RFXANK: variants seen among roughly 807,000 people sequenced by gnomAD.
The protein encoded by RFXANK is regulatory factor X associated ankyrin containing protein.
RFXANK carries 19 observed loss-of-function variants against 34.5 expected under a neutral mutation model. The observed-to-expected ratio is 0.55, with a 90% CI of 0.38 to 0.81. The LOEUF is 0.81. Among genes scored for constraint, RFXANK ranks in the 30% least tolerant of loss-of-function variants. The probability of loss-of-function intolerance (pLI) is 0.00; values close to 1 mark genes in which losing one functional copy is unlikely to be tolerated. For synonymous variants in RFXANK, 154 were observed against 149.8 expected, an observed-to-expected ratio of 1.03 and a Z score of -0.20; for missense variants, 295 against 343.5, an observed-to-expected ratio of 0.86 and a Z score of 1.12.
intron 3 of RFXANK, 100 bp from the exon 4 acceptor site, chr19:19,196,863 T>C: frequency 8.8e-7 from 1 of 1,134,086 alleles, no homozygotes; most frequent in Non-Finnish European, 1.3e-6. Context: ...AGACTCCATC[T>C]CAAACAACAA....
rs1488966736 is a variant in RFXANK at position 19,193,957 on chromosome 19, C to T, written c.11C>T (p.Thr4Ile). 1.2e-6 allele frequency: 2 copies of T among 1,614,250 alleles called. No individual in the cohort carries two copies. The highest frequency in any genetic ancestry group is 1.3e-5 in the African/African-American group (1 of 75,066). The part of the protein sequence containing the change: MEL[T>I]QPAEDLIQTQ... ...CCGCCAGCTTTCCCCATGGAGCTTA[C>T]CCAGCCTGCAGAAGACCTCATCCAG... Residue 4 changes from threonine (T) to isoleucine (I), a missense_variant, in exon 3 of 10, where the codon ACC becomes ATC. Coordinates refer to ENST00000303088, the MANE Select transcript of RFXANK (RefSeq NM_003721.4).
intron 9 of RFXANK, chr19:19,200,788 ATTTTTTTTTTT>A (rs71170606): frequency 4.7e-5 from 4 of 84,624 alleles, no homozygotes; most frequent in Non-Finnish European, 8.3e-5. Flanking sequence ...CACCTGGCTA[ATTTTTTTTTTT>A]TTTTTTTTTT....
In RFXANK at chr19:19,197,984, C is replaced by G. The variant is rs1030182427; in HGVS notation, c.439-123C>G. 5 of 1,369,852 alleles carry G rather than the reference C, an allele frequency of 3.7e-6. No individual in the cohort carries two copies. The African/African-American group carries it at 7.2e-5, about 20-fold the overall frequency. 84.9% of individuals were successfully genotyped at this position (1,369,852 alleles called of 1,614,324 possible). A position where few individuals can be genotyped will look rare whatever the true frequency, so the allele number is the denominator to read the frequency against. ...CCGAGATTGCGCCACTGCACTCCAG[C>G]CTGGGCAACAGAGCAAGACTCTATC... is the stretch of plus-strand genomic sequence containing the variant. On this transcript the variant is annotated intron_variant, in intron 6 of 9. Coordinates refer to ENST00000303088, the MANE Select transcript of RFXANK (RefSeq NM_003721.4).
intron 7 of RFXANK, 126 bp from the exon 8 acceptor site, chr19:19,198,531 A>AG: frequency 8.4e-7 from 1 of 1,188,406 alleles, no homozygotes; most frequent in Non-Finnish European, 1.2e-6. Flanking sequence ...TTGAGACCCC[A>AG]GAAAGTGAGA....
In RFXANK at chr19:19,192,284, G is replaced by A; in HGVS notation, c.-420G>A. 1.1e-6 allele frequency: 1 copy of A among 887,984 alleles called. No homozygotes were observed. The highest frequency in any genetic ancestry group is 1.7e-6 in the Non-Finnish European group (1 of 588,170). 55.0% of individuals were successfully genotyped at this position (887,984 alleles called of 1,614,324 possible). Reference sequence around the variant, plus strand: ...TTTGCGGACAAGAAAGGGGCTGTGTGAGACGCAGGGAAGGAGGCACACCCG... The same window carrying A: ...TTTGCGGACAAGAAAGGGGCTGTGTAAGACGCAGGGAAGGAGGCACACCCG... On this transcript the variant is annotated 5_prime_UTR_variant, in exon 1 of 10. Transcript: ENST00000303088.
At chr19:19,200,555 T>C (rs1028723049) in intron 9 of RFXANK, among the ~76,000 whole-genome samples, 1 of 151,864 alleles carries the variant, frequency 6.6e-6, no homozygotes, top group Non-Finnish European at 1.5e-5. Context: ...CAAGTGATCC[T>C]TCTTCCCCAG....
intron 5 of RFXANK, 35 bp downstream of exon 5, chr19:19,197,286 A>C (rs900811976): frequency 6.2e-7 from 1 of 1,608,538 alleles, no homozygotes; most frequent in Non-Finnish European, 8.5e-7. Flanking sequence ...GCATGTCTGC[A>C]CCTGGCTGGT....
chr19:19,199,253 G>C lies in RFXANK; in HGVS notation c.712+19G>C, dbSNP rs556011686. On this transcript the variant is annotated intron_variant, in intron 9 of 9. Coordinates refer to ENST00000303088, the MANE Select transcript of RFXANK (RefSeq NM_003721.4). ...CGGAAAGGTCAGCCTGAGACACACA[G>C]AGCAGGGGTGGGGTCCCTTCCATAG... The C allele has an allele frequency of 6.8e-6, 11 of 1,612,908 alleles. No homozygotes were observed. The highest frequency in any genetic ancestry group is 1.7e-5 in the Admixed American group (1 of 60,020).
In RFXANK at chr19:19,192,270, GA is replaced by G; in HGVS notation, c.-431del. On this transcript the variant is annotated 5_prime_UTR_variant, in exon 1 of 10. Coordinates refer to ENST00000303088, the MANE Select transcript of RFXANK (RefSeq NM_003721.4). The stretch of plus-strand genomic sequence containing the variant: ...CCCGCTCCTCAGTCTTTGCGGACAA[GA>G]AAGGGGCTGTGTGAGACGCAGGGAA... 1 of 1,020,162 alleles carries G rather than the reference GA, an allele frequency of 9.8e-7. No homozygotes were observed. The highest frequency in any genetic ancestry group is 1.5e-5 in the South Asian group (1 of 66,908). 63.2% of individuals were successfully genotyped at this position (1,020,162 alleles called of 1,614,324 possible).
intron 3 of RFXANK, 26 bp downstream of exon 3, chr19:19,194,159 C>T (rs374457072): frequency 1.2e-6 from 2 of 1,607,980 alleles, no homozygotes; most frequent in South Asian, 1.1e-5. Flanking sequence ...TGGGATTAGC[C>T]CTCTGGGATT....
chr19:19,196,280 A>G (rs2060597676), intron 3 of RFXANK, among the ~76,000 whole-genome samples: 1 of 150,936 alleles, frequency 6.6e-6, no homozygotes, highest in Non-Finnish European at 1.5e-5. Flanking sequence ...TACCGAAGGC[A>G]GTAGCATGGT....
rs1254153070 is a variant in RFXANK, at chr19:19,197,179, G to A, written c.272-7G>A. On this transcript the variant is annotated splice_polypyrimidine_tract_variant and splice_region_variant and intron_variant, in intron 4 of 9. Transcript: ENST00000303088. ...TGAGTGAGGACTCTGCCTCTGTCCT[G>A]CCCCAGCCCTGTCCATCCACCAGCT... is the stretch of plus-strand genomic sequence containing the variant. 6.2e-7 allele frequency: 1 copy of A among 1,613,938 alleles called. No homozygotes were observed. The highest frequency in any genetic ancestry group is 1.7e-4 in the Middle Eastern group (1 of 5,978).
rs73922826 is a variant in RFXANK, at chr19:19,198,571, G to A, written c.565-86G>A. The A allele has an allele frequency of 6.1e-3, 9,104 of 1,499,742 alleles. 465 individuals carry two copies. In the African/African-American group the frequency reaches 0.11, roughly 18 times the overall value. 92.9% of individuals were successfully genotyped at this position (1,499,742 alleles called of 1,614,324 possible). On this transcript the variant is annotated intron_variant, in intron 7 of 9. Transcript: ENST00000303088. ...CCCAGTGATGAGCAGGAGGAACCAC[G>A]TTCAACTGGAGGCCAGAGAGTACAA...
chr19:19,199,383 G>A, intron 9 of RFXANK, 149 bp downstream of exon 9: 1 of 806,144 alleles, frequency 1.2e-6, no homozygotes, highest in South Asian at 1.4e-5. Context: ...TCCCGCCTGG[G>A]AACATCCCAG....
chr19:19,201,823 A>AGG lies in RFXANK; in HGVS notation c.*107_*108dup, dbSNP rs1401685073. On this transcript the variant is annotated 3_prime_UTR_variant, in exon 10 of 10. Transcript: ENST00000303088. ...AGGCAGCTTCTGGACAGGTGGTGGG[A>AGG]GGGGACCCTTCCCAAGAGGAACCAA... 8.0e-5 allele frequency: 129 copies of AGG among 1,611,802 alleles called. No homozygotes were observed. Among genetic ancestry groups the AGG allele is most frequent in the Non-Finnish European group, 1.1e-4 (127 of 1,178,942 alleles).
rs1206991889 is a variant in RFXANK, at chr19:19,192,276, GGCT to G, written c.-426_-424del. 1.0e-6 allele frequency: 1 copy of G among 965,010 alleles called. No individual in the cohort carries two copies. The highest frequency in any genetic ancestry group is 1.5e-6 in the Non-Finnish European group (1 of 650,554). The allele number at this position is 965,010 out of a possible 1,614,324, so 59.8% of individuals were successfully genotyped here. A position where few individuals can be genotyped will look rare whatever the true frequency, so the allele number is the denominator to read the frequency against. ...CCTCAGTCTTTGCGGACAAGAAAGG[GGCT>G]GTGTGAGACGCAGGGAAGGAGGCAC... On this transcript the variant is annotated 5_prime_UTR_variant, in exon 1 of 10. Transcript: ENST00000303088.
At chr19:19,195,737 ATTT>A (rs61553021) in intron 3 of RFXANK, among the ~76,000 whole-genome samples, 37 of 105,654 alleles carry the variant, frequency 3.5e-4, no homozygotes, top group East Asian at 1.2e-3. Flanking sequence ...CTGCTTTTAA[ATTT>A]TTTTTTTTTT....
At chr19:19,193,583 T>C (rs1327240043) in intron 2 of RFXANK, among the ~76,000 whole-genome samples, 1 of 152,006 alleles carries the variant, frequency 6.6e-6, no homozygotes, top group Non-Finnish European at 1.5e-5. Context: ...GCTTGGCTAA[T>C]TTTTGTATTT....
intron 3 of RFXANK, among the ~76,000 whole-genome samples, chr19:19,195,631 A>G (rs1198835065): frequency 6.6e-6 from 1 of 151,022 alleles, no homozygotes; most frequent in African/African-American, 2.4e-5. Context: ...TGACTTCCTA[A>G]GATCTCGGTG....
Sources: gnomAD v4.1 joint callset for allele counts (sites outside exome capture counted in the v4.1 genomes callset) on GRCh38, gnomAD v4.1.1 for gene constraint, MANE v1.5 for transcripts, NCBI Gene and HGNC (gene_info 2026-07-23, HGNC 2026-07-21) for gene names.